Variants in PCDH15 observed in about 807,000 individuals in gnomAD.
PCDH15 encodes the protein protocadherin related 15.
A neutral mutation model predicts 178.5 loss-of-function variants in PCDH15; 129 were observed. That is an observed-to-expected ratio of 0.72 (90% CI 0.63 to 0.84). The LOEUF is 0.84. Among genes scored for constraint, PCDH15 ranks in the 40% least tolerant of loss-of-function variants. PCDH15 has a pLI of 0.00. For missense variants in PCDH15, 2,230 were observed against 2,099.9 expected (o/e 1.06, Z -1.21); for synonymous variants, 800 against 732.0 (o/e 1.09, Z -1.50).
At chr10:54,213,018 G>A (rs569773859) in intron 10 of PCDH15, among the ~76,000 whole-genome samples, 10 of 152,202 alleles carry the variant, frequency 6.6e-5, no homozygotes, top group African/African-American at 2.2e-4. Flanking sequence ...TTCTCAGTAA[G>A]CTTCCCTACC....
intron 3 of PCDH15, among the ~76,000 whole-genome samples, chr10:54,855,171 C>G (rs921115838): frequency 6.6e-6 from 1 of 152,208 alleles, no homozygotes; most frequent in African/African-American, 2.4e-5. Flanking sequence ...TGGTAGCAGG[C>G]ATTTTCAAGC....
At chr10:53,969,913 T>C (rs3105657) in intron 21 of PCDH15, among the ~76,000 whole-genome samples, 107,318 of 152,042 alleles carry the variant, frequency 0.71, 38,259 homozygotes, top group East Asian at 0.87. Flanking sequence ...ACATGCCAAA[T>C]TGTAAAGACC....
intron 2 of PCDH15, among the ~76,000 whole-genome samples, chr10:55,398,571 A>G (rs1837984818): frequency 6.6e-6 from 1 of 152,224 alleles, no homozygotes. Context: ...GATGCTAAAC[A>G]AATAAATTCA....
intron 9 of PCDH15, among the ~76,000 whole-genome samples, chr10:54,216,730 T>G (rs1279146473): frequency 6.6e-6 from 1 of 152,004 alleles, no homozygotes; most frequent in Admixed American, 6.6e-5. Flanking sequence ...TGAAGGAGAG[T>G]ATGACATAAG....
chr10:53,804,525 G>T lies in PCDH15; in HGVS notation c.*2054C>A, dbSNP rs945649783. The T allele has an allele frequency of 1.1e-4, 17 of 151,680 alleles. No individual in the cohort carries two copies. The highest frequency in any genetic ancestry group is 3.9e-4 in the African/African-American group (16 of 41,400). The allele number at this position is 151,680 out of a possible 1,614,324, so 9.4% of individuals were successfully genotyped here. ...GGATACTAGAAGCTATAAACTGAAA[G>T]AAAAAAATGTGAGAAAGGCACAACA... On this transcript the variant is annotated 3_prime_UTR_variant, in exon 38 of 38. Coordinates refer to ENST00000644397, the MANE Select transcript of PCDH15 (RefSeq NM_001384140.1).
chr10:55,227,576 A>G (rs1841087591), intron 1 of PCDH15, among the ~76,000 whole-genome samples: 2 of 152,104 alleles, frequency 1.3e-5, no homozygotes. Flanking sequence ...ATGTGTTACC[A>G]TTTTGAGAAA....
intron 9 of PCDH15, among the ~76,000 whole-genome samples, chr10:54,219,530 T>C (rs1023447244): frequency 6.9e-6 from 1 of 145,494 alleles, no homozygotes; most frequent in African/African-American, 2.6e-5. Context: ...GAGGTGGAGC[T>C]TGCAGTGAGC....
Position 54,214,059 on chromosome 10 carries a change from T to C in PCDH15, c.986-11A>G, listed in dbSNP as rs374641355. On this transcript the variant is annotated splice_polypyrimidine_tract_variant and intron_variant, in intron 9 of 37. Transcript: ENST00000644397. The stretch of plus-strand genomic sequence containing the variant: ...AATCCTCAGGAGTCCCTGGAAGACA[T>C]TGAGATTTCAGTACATAATTGAGAA... 4.5e-5 allele frequency: 65 copies of C among 1,449,298 alleles called. No homozygotes were observed. Among genetic ancestry groups the C allele is most frequent in the Admixed American group, 8.4e-5 (5 of 59,732 alleles). The allele number at this position is 1,449,298 out of a possible 1,614,324, so 89.8% of individuals were successfully genotyped here.
intron 15 of PCDH15, among the ~76,000 whole-genome samples, chr10:54,114,090 C>A (rs1398818380): frequency 2.0e-5 from 3 of 152,176 alleles, no homozygotes; most frequent in Non-Finnish European, 4.4e-5. Flanking sequence ...TATTACAATT[C>A]AAGGTGAGAT....
At chr10:55,210,606 C>CTTT (rs1840536383) in intron 1 of PCDH15, among the ~76,000 whole-genome samples, 1 of 32,676 alleles carries the variant, frequency 3.1e-5, no homozygotes, top group Non-Finnish European at 6.8e-5. Flanking sequence ...ATTTTTTTTT[C>CTTT]TTTTTTCTTT....
chr10:54,119,756 C>T lies in PCDH15; in HGVS notation c.1917+13119G>A, dbSNP rs201049552. Reference sequence around the variant, plus strand: ...TTTTTTAGCAGTAAGCTCAAAATAGCGAATTTCATTGTTTTTTTAAATTAT... The same window carrying T: ...TTTTTTAGCAGTAAGCTCAAAATAGTGAATTTCATTGTTTTTTTAAATTAT... On this transcript the variant is annotated intron_variant, in intron 15 of 37. Transcript: ENST00000644397. Among the ~76,000 whole-genome samples, 44 of 151,948 alleles carry T rather than the reference C, an allele frequency of 2.9e-4. No homozygotes were observed. In the East Asian group the frequency reaches 6.0e-3, roughly 21 times the overall value.
At chr10:55,520,737 A>G (rs934407048) in intron 2 of PCDH15, among the ~76,000 whole-genome samples, 13 of 151,762 alleles carry the variant, frequency 8.6e-5, no homozygotes, top group African/African-American at 3.1e-4. Context: ...TTCTGTTGTG[A>G]AAGTATTCTA....
chr10:54,344,111 GA>G (rs1370214066), intron 6 of PCDH15, among the ~76,000 whole-genome samples: 1 of 152,134 alleles, frequency 6.6e-6, no homozygotes, highest in Non-Finnish European at 1.5e-5. Context: ...AATTTTATAT[GA>G]AGTCTAAAAG....
intron 8 of PCDH15, among the ~76,000 whole-genome samples, chr10:54,266,148 CACACACACACACACAT>C (rs1196185608): frequency 1.3e-5 from 2 of 150,274 alleles, no homozygotes; most frequent in Non-Finnish European, 1.5e-5. Flanking sequence ...CAGACACAAA[CACACACACACACACAT>C]ACACACACAC....
intron 2 of PCDH15, among the ~76,000 whole-genome samples, chr10:54,591,920 A>G (rs549303785): frequency 2.4e-4 from 37 of 152,266 alleles, no homozygotes; most frequent in Non-Finnish European, 8.8e-5. Flanking sequence ...ACATGACCCA[A>G]TCTTGTCAGA....
At position 54,513,894 on chromosome 10, in the gene PCDH15, T is replaced by C. The variant is rs149444044; in HGVS notation, c.157+13918A>G. 5.5e-3 allele frequency among the ~76,000 whole-genome samples: 835 copies of C among 152,332 alleles called. 5 individuals carry two copies. The highest frequency in any genetic ancestry group is 0.019 in the African/African-American group (806 of 41,570). On this transcript the variant is annotated intron_variant, in intron 3 of 37. Coordinates refer to ENST00000644397, the MANE Select transcript of PCDH15 (RefSeq NM_001384140.1). ...ACAGAAATTGCATGTAATATAATGA[T>C]CCAAATATTCTCTATTCTGAGATAA...
chr10:54,367,821 G>A (rs1947039641), intron 5 of PCDH15, among the ~76,000 whole-genome samples: 1 of 151,386 alleles, frequency 6.6e-6, no homozygotes, highest in Non-Finnish European at 1.5e-5. Flanking sequence ...GTGTATATAT[G>A]TGTGTATATA....
chr10:55,468,060 T>TATCCTCAA (rs1839875903), intron 2 of PCDH15, among the ~76,000 whole-genome samples: 1 of 149,824 alleles, frequency 6.7e-6, no homozygotes, highest in South Asian at 2.1e-4. Flanking sequence ...GAGAGAATCA[T>TATCCTCAA]ATCCTCAAAG....
At chr10:55,622,021 T>C (rs1376192463) in intron 2 of PCDH15, among the ~76,000 whole-genome samples, 1 of 141,468 alleles carries the variant, frequency 7.1e-6, no homozygotes, top group Non-Finnish European at 1.5e-5. Flanking sequence ...ATAATAAATA[T>C]TTATATATGT....
Sources: gnomAD v4.1 joint callset for allele counts (sites outside exome capture counted in the v4.1 genomes callset) on GRCh38, gnomAD v4.1.1 for gene constraint, MANE v1.5 for transcripts, NCBI Gene and HGNC (gene_info 2026-07-23, HGNC 2026-07-21) for gene names.